The following ZNF100 variants were observed in gnomAD, a reference collection of about 807,000 sequenced individuals.
ZNF100 encodes the protein zinc finger protein 100 (Y1).
ZNF100 carries 12 observed loss-of-function variants against 15.8 expected under a neutral mutation model. The observed-to-expected ratio is 0.76, with a 90% CI of 0.49 to 1.23. The LOEUF is 1.23. Ranked by LOEUF, ZNF100 falls within the 50% of genes most tolerant of loss-of-function variation. ZNF100 has a pLI of 0.00. For missense variants in ZNF100, 670 were observed against 635.6 expected (o/e 1.05, Z -0.58); for synonymous variants, 226 against 214.8 (o/e 1.05, Z -0.45).
chr19:21,747,290 T>C (rs2036228615), intron 2 of ZNF100, among the ~76,000 whole-genome samples: 1 of 151,980 alleles, frequency 6.6e-6, no homozygotes, highest in African/African-American at 2.4e-5. Context: ...CATGAGGCAC[T>C]TCATTAAAAT....
chr19:21,728,982 T>G (rs964760104), intron 4 of ZNF100, among the ~76,000 whole-genome samples: 1 of 151,828 alleles, frequency 6.6e-6, no homozygotes, highest in Non-Finnish European at 1.5e-5. Flanking sequence ...TGAAAAATAT[T>G]GAAAGAAACG....
At chr19:21,760,448 T>C (rs1403789736) in intron 2 of ZNF100, among the ~76,000 whole-genome samples, 7 of 151,718 alleles carry the variant, frequency 4.6e-5, no homozygotes, top group East Asian at 3.9e-4. Flanking sequence ...TGAGCCAAGA[T>C]TGCACCACTA....
chr19:21,731,233 AT>A (rs1202774888), intron 4 of ZNF100, among the ~76,000 whole-genome samples: 1 of 151,494 alleles, frequency 6.6e-6, no homozygotes, highest in Non-Finnish European at 1.5e-5. Context: ...ATGAAGAGTT[AT>A]TTTCATATCC....
Position 21,725,777 on chromosome 19 carries a change from T to C in ZNF100, c.*906A>G, listed in dbSNP as rs2035769717. 1 of 152,014 alleles carries C rather than the reference T, an allele frequency of 6.6e-6. No individual in the cohort carries two copies. The highest frequency in any genetic ancestry group is 1.5e-5 in the Non-Finnish European group (1 of 68,002). The allele number at this position is 152,014 out of a possible 1,614,324, so 9.4% of individuals were successfully genotyped here. On this transcript the variant is annotated 3_prime_UTR_variant, in exon 5 of 5. Transcript: ENST00000358296. ...ACAAATATTTTACCAATTTTAGTTT[T>C]AGATTATTTTCTATACTCAGCACTC... is the stretch of plus-strand genomic sequence containing the variant.
chr19:21,763,874 T>C (rs1419811422), intron 2 of ZNF100, among the ~76,000 whole-genome samples: 1 of 152,234 alleles, frequency 6.6e-6, no homozygotes, highest in Non-Finnish European at 1.5e-5. Context: ...TTTTTATAGT[T>C]GGTATTCCTC....
chr19:21,735,158 C>A (rs2035985284), intron 4 of ZNF100, among the ~76,000 whole-genome samples: 1 of 152,070 alleles, frequency 6.6e-6, no homozygotes, highest in South Asian at 2.1e-4. Context: ...TGCAAAATAA[C>A]CAGCTAGCAC....
At chr19:21,734,616 C>T (rs1171527139) in intron 4 of ZNF100, among the ~76,000 whole-genome samples, 1 of 152,142 alleles carries the variant, frequency 6.6e-6, no homozygotes, top group African/African-American at 2.4e-5. Context: ...AAGAATGGAA[C>T]CAAGTTGGAA....
chr19:21,730,445 A>AGTGTGTGTGTGTGTGT (rs58942514), intron 4 of ZNF100, among the ~76,000 whole-genome samples: 21 of 147,718 alleles, frequency 1.4e-4, no homozygotes, highest in Middle Eastern at 3.4e-3. Context: ...TGATAACCTA[A>AGTGTGTGTGTGTGTGT]GTGTGTGTGT....
chr19:21,747,679 T>C (rs1177935902), intron 2 of ZNF100, among the ~76,000 whole-genome samples: 1 of 152,226 alleles, frequency 6.6e-6, no homozygotes, highest in Non-Finnish European at 1.5e-5. Context: ...CACTCCATCC[T>C]GAAGTTTTAT....
rs1229216838 is a variant in ZNF100 at position 21,725,913 on chromosome 19, C to CA, written c.*769dup. The CA allele has an allele frequency of 6.6e-6, 1 of 152,010 alleles. No individual in the cohort carries two copies. The highest frequency in any genetic ancestry group is 2.4e-5 in the African/African-American group (1 of 41,414). 9.4% of individuals were successfully genotyped at this position (152,010 alleles called of 1,614,324 possible). Reference sequence around the variant, plus strand: ...TTTTAAAAAATTTTTCCTGTATCTGCAAAAATATGTTTTAGTATGAACTCT... The same window carrying CA: ...TTTTAAAAAATTTTTCCTGTATCTGCAAAAAATATGTTTTAGTATGAACTCT... On this transcript the variant is annotated 3_prime_UTR_variant, in exon 5 of 5. Coordinates refer to ENST00000358296, the MANE Select transcript of ZNF100 (RefSeq NM_173531.4).
chr19:21,731,313 ATTTTTT>A (rs2035915413), intron 4 of ZNF100, among the ~76,000 whole-genome samples: 1 of 133,338 alleles, frequency 7.5e-6, no homozygotes, highest in African/African-American at 3.3e-5. Context: ...TTTTTTTTTT[ATTTTTT>A]ATTTTTTGAG....
intron 4 of ZNF100, among the ~76,000 whole-genome samples, chr19:21,735,484 G>A (rs1343081156): frequency 1.6e-4 from 21 of 134,036 alleles, no homozygotes; most frequent in East Asian, 4.5e-4. Context: ...CTGGGCGACC[G>A]TGTAAGACTC....
At chr19:21,755,325 GA>G (rs56192921) in intron 2 of ZNF100, among the ~76,000 whole-genome samples, 112,596 of 147,026 alleles carry the variant, frequency 0.77, 43,758 homozygotes, top group Non-Finnish European at 0.85. Flanking sequence ...AAGAAAAAAA[GA>G]AAAAAAAAAA....
In ZNF100 at chr19:21,727,005, T is replaced by C. The variant is rs374252867; in HGVS notation, c.1307A>G (p.Lys436Arg). The change falls in exon 5 of 5, where the codon AAA (lysine) becomes AGA (arginine). Residue 436 changes from lysine (K) to arginine (R), a missense_variant. Lys to Arg is a conservative substitution (Grantham distance 26). Transcript: ENST00000358296. ...AAGGTTTGAGGACTCATTAAAAGCT[T>C]TGCCACATTCTTCACATTTGTAGGG... Reference protein sequence around the residue: ...EKPYKCEECGKAFNESSNLTT... With the variant: ...EKPYKCEECGRAFNESSNLTT... 35 of 1,613,772 alleles carry C rather than the reference T, an allele frequency of 2.2e-5. No homozygotes were observed. Among genetic ancestry groups the C allele is most frequent in the Middle Eastern group, 1.6e-4 (1 of 6,082 alleles).
intron 2 of ZNF100, chr19:21,751,663 G>A: frequency 7.4e-7 from 1 of 1,343,584 alleles, no homozygotes; most frequent in Non-Finnish European, 1.1e-6. Context: ...AAATGGAAAG[G>A]CATTTTTCGG....
rs1320426196 is a variant in ZNF100, at chr19:21,725,064, A to C, written c.*1619T>G. On this transcript the variant is annotated 3_prime_UTR_variant, in exon 5 of 5. Coordinates refer to ENST00000358296, the MANE Select transcript of ZNF100 (RefSeq NM_173531.4). The stretch of plus-strand genomic sequence containing the variant: ...AGACTACCTCTCAAAAATAAAATAA[A>C]ATAAAAACAAAAATTTAACCTACAG... 1 of 152,176 alleles carries C rather than the reference A, an allele frequency of 6.6e-6. No individual in the cohort carries two copies. The highest frequency in any genetic ancestry group is 1.5e-5 in the Non-Finnish European group (1 of 68,038). 9.4% of individuals were successfully genotyped at this position (152,176 alleles called of 1,614,324 possible).
chr19:21,734,177 A>G (rs34159220), intron 4 of ZNF100, among the ~76,000 whole-genome samples: 13,087 of 152,058 alleles, frequency 0.086, 716 homozygotes, highest in South Asian at 0.18. Context: ...ATCAAAACAT[A>G]TTTCCAGCAA....
rs766509092 is a variant in ZNF100, at chr19:21,726,692, T to C, written c.1620A>G (p.Leu540=). The C allele has an allele frequency of 1.9e-6, 3 of 1,605,924 alleles. No homozygotes were observed. The highest frequency in any genetic ancestry group is 1.7e-6 in the Non-Finnish European group (2 of 1,176,996). The change falls in exon 5 of 5, where the codon CTA becomes CTG. Residue 540 remains leucine, a synonymous_variant. Coordinates refer to ENST00000358296, the MANE Select transcript of ZNF100 (RefSeq NM_173531.4). Reference sequence around the variant, plus strand: ...GGCTTTGCCACATTTTTCACATTTGTAGGGTTTCTCTCCAGTATGAGTTAT... The same window carrying C: ...GGCTTTGCCACATTTTTCACATTTGCAGGGTTTCTCTCCAGTATGAGTTAT... ...KQNNSYWRET[L]QM
At chr19:21,728,073 A>G in intron 4 of ZNF100, 84 bp from the exon 5 acceptor site, 1 of 1,247,388 alleles carries the variant, frequency 8.0e-7, no homozygotes, top group Non-Finnish European at 1.0e-6. Flanking sequence ...CAAACTACAT[A>G]AATAAGATGG....
Sources: allele counts gnomAD v4.1 joint callset (sites outside exome capture counted in the v4.1 genomes callset), GRCh38; gene constraint gnomAD v4.1.1; transcripts MANE v1.5; gene names NCBI Gene and HGNC (gene_info 2026-07-23, HGNC 2026-07-21).